PIEZO2: variants seen among roughly 807,000 people sequenced by gnomAD.
PIEZO2 encodes piezo-type mechanosensitive ion channel component 2.
Under a neutral mutation model 337.3 loss-of-function variants are expected in PIEZO2, and 172 were observed. That is an observed-to-expected ratio of 0.51 (90% CI 0.45 to 0.58). The LOEUF (loss-of-function observed/expected upper bound fraction) is 0.58. Ranked by LOEUF, PIEZO2 falls within the 20% of genes least tolerant of loss-of-function variation. The probability of loss-of-function intolerance (pLI) is 0.00; values close to 1 mark genes in which losing one functional copy is unlikely to be tolerated. For missense variants in PIEZO2, 3,028 were observed against 3,391.3 expected (o/e 0.89, Z 2.66); for synonymous variants, 1,251 against 1,228.5 (o/e 1.02, Z -0.38).
In PIEZO2 at chr18:11,031,894, C is replaced by T. The variant is rs1328162401; in HGVS notation, c.160+34233G>A. ...ATCCATTTGGCTGCTGAATATTAGCCCAACCCTTTATTCTCACCATCACAT... is the reference window on the plus strand; with the variant it reads ...ATCCATTTGGCTGCTGAATATTAGCTCAACCCTTTATTCTCACCATCACAT... On this transcript the variant is annotated intron_variant, in intron 2 of 55. Coordinates refer to ENST00000674853, the MANE Select transcript of PIEZO2 (RefSeq NM_001378183.1). This position sits in a 1 kb window ranked among gnomAD's most constrained non-coding sequence, Gnocchi z 4.7. 1.3e-5 allele frequency among the ~76,000 whole-genome samples: 2 copies of T among 152,030 alleles called. No homozygotes were observed. The highest frequency in any genetic ancestry group is 2.9e-5 in the Non-Finnish European group (2 of 68,008).
Position 10,828,701 on chromosome 18 carries a change from T to TACTCAG in PIEZO2, c.918-21428_918-21427insCTGAGT, listed in dbSNP as rs1266249119. Among the ~76,000 whole-genome samples the TACTCAG allele has an allele frequency of 6.6e-6, 1 of 152,182 alleles. No homozygotes were observed. Among genetic ancestry groups the TACTCAG allele is most frequent in the Admixed American group, 6.5e-5 (1 of 15,282 alleles). ...ACTGGTCATATGTTCAGAGGAACTCTACTGTCTGGAGTCTGAGCATCTGTA... is the reference window on the plus strand; with the variant it reads ...ACTGGTCATATGTTCAGAGGAACTCTACTCAGACTGTCTGGAGTCTGAGCATCTGTA... On this transcript the variant is annotated intron_variant, in intron 7 of 55. Coordinates refer to ENST00000674853, the MANE Select transcript of PIEZO2 (RefSeq NM_001378183.1). The surrounding 1 kb of genome is among the most constrained non-coding windows in gnomAD (Gnocchi z 4.1).
At chr18:11,055,568 G>A (rs895096840) in intron 2 of PIEZO2, among the ~76,000 whole-genome samples, 1 of 152,216 alleles carries the variant, frequency 6.6e-6, no homozygotes, top group Non-Finnish European at 1.5e-5. Flanking sequence ...ACAGCACAGA[G>A]GTGCCAATTC....
At chr18:10,871,045 G>C (rs1035971748) in intron 5 of PIEZO2, among the ~76,000 whole-genome samples, 1 of 152,048 alleles carries the variant, frequency 6.6e-6, no homozygotes, top group Admixed American at 6.6e-5. Flanking sequence ...CCCTGAGCCT[G>C]TCTTCTCATG....
intron 2 of PIEZO2, among the ~76,000 whole-genome samples, chr18:10,987,879 A>G (rs996302078): frequency 1.3e-5 from 2 of 152,164 alleles, no homozygotes. Flanking sequence ...AAGGCAAAGG[A>G]CCTGAATAGA....
Position 11,112,439 on chromosome 18 carries a change from CA to C in PIEZO2, c.64+36085del, listed in dbSNP as rs1233087741. ...AACATCAGAATCTAAGTGTCATGAC[CA>C]AAATATGTACTCCAACTCCATCATT... On this transcript the variant is annotated intron_variant, in intron 1 of 55. Coordinates refer to ENST00000674853, the MANE Select transcript of PIEZO2 (RefSeq NM_001378183.1). The surrounding 1 kb of genome is among the most constrained non-coding windows in gnomAD (Gnocchi z 4.3). Among the ~76,000 whole-genome samples the C allele has an allele frequency of 6.6e-6, 1 of 152,136 alleles. No individual in the cohort carries two copies. Among genetic ancestry groups the C allele is most frequent in the Non-Finnish European group, 1.5e-5 (1 of 68,012 alleles).
At chr18:10,732,742 A>AT (rs750643238) in intron 35 of PIEZO2, among the ~76,000 whole-genome samples, 16 of 152,206 alleles carry the variant, frequency 1.1e-4, no homozygotes, top group Non-Finnish European at 2.1e-4. Flanking sequence ...GAATAAAGGA[A>AT]TTTTTAGTAG....
In PIEZO2 at chr18:10,824,060, T is replaced by C. The variant is rs924481033; in HGVS notation, c.918-16786A>G. On this transcript the variant is annotated intron_variant, in intron 7 of 55. Transcript: ENST00000674853. This position sits in a 1 kb window ranked among gnomAD's most constrained non-coding sequence, Gnocchi z 4.4. ...ATATTTAACTCACTTTTTCTACATA[T>C]GTATGCACCCATAAATAATACATAC... Among the ~76,000 whole-genome samples, 50 of 152,364 alleles carry C rather than the reference T, an allele frequency of 3.3e-4. No homozygotes were observed. Among genetic ancestry groups the C allele is most frequent in the African/African-American group, 1.2e-3 (50 of 41,594 alleles).
chr18:10,876,287 G>T (rs1426512049), intron 4 of PIEZO2, among the ~76,000 whole-genome samples: 1 of 152,200 alleles, frequency 6.6e-6, no homozygotes, highest in Admixed American at 6.5e-5. Flanking sequence ...TATACTAAAA[G>T]ACTTGAGAAG....
chr18:11,056,208 T>C (rs1260476543), intron 2 of PIEZO2, among the ~76,000 whole-genome samples: 1 of 152,130 alleles, frequency 6.6e-6, no homozygotes, highest in Non-Finnish European at 1.5e-5. Flanking sequence ...GGTCATTGGG[T>C]CCAGGCTGCC....
Position 10,807,136 on chromosome 18 carries a change from G to A in PIEZO2, c.1056C>T (p.Ile352=). Residue 352 remains isoleucine, a synonymous_variant, in exon 8 of 56, where the codon ATC becomes ATT. Transcript: ENST00000674853. ...LVMYYTLATL[I]RIWLQEPLVQ... is the part of the protein sequence containing the mutation. The stretch of plus-strand genomic sequence containing the variant: ...CAAGGGGCTCTTGCAGCCAGATGCG[G>A]ATCAGAGTGGCCAGAGTGTAGTACA... The A allele has an allele frequency of 6.5e-7, 1 of 1,536,872 alleles. No homozygotes were observed. The highest frequency in any genetic ancestry group is 8.7e-7 in the Non-Finnish European group (1 of 1,146,738).
chr18:11,060,048 A>C (rs938287923), intron 2 of PIEZO2, among the ~76,000 whole-genome samples: 12 of 152,210 alleles, frequency 7.9e-5, no homozygotes, highest in Non-Finnish European at 1.5e-4. Flanking sequence ...AGAAATTATA[A>C]GAAACTGTCT....
intron 42 of PIEZO2, among the ~76,000 whole-genome samples, chr18:10,703,045 G>T (rs941733735): frequency 6.6e-6 from 1 of 152,022 alleles, no homozygotes; most frequent in African/African-American, 2.4e-5. Flanking sequence ...GTAGAAATGG[G>T]GTCGTGCTAT....
In PIEZO2 at chr18:10,741,015, G is replaced by A. The variant is rs1051598273; in HGVS notation, c.4708+16C>T. 6.5e-7 allele frequency: 1 copy of A among 1,536,732 alleles called. No homozygotes were observed. The highest frequency in any genetic ancestry group is 8.7e-7 in the Non-Finnish European group (1 of 1,146,462). The stretch of plus-strand genomic sequence containing the variant: ...GTTAGAGTCGATGAGGTTGTAAGGG[G>A]ATCGAGAAAACCTACTGGAAGCATG... On this transcript the variant is annotated intron_variant, in intron 33 of 55. Coordinates refer to ENST00000674853, the MANE Select transcript of PIEZO2 (RefSeq NM_001378183.1).
chr18:11,135,749 T>C (rs1184795904), intron 1 of PIEZO2, among the ~76,000 whole-genome samples: 3 of 152,208 alleles, frequency 2.0e-5, no homozygotes, highest in Non-Finnish European at 2.9e-5. Context: ...GGTTTCACCA[T>C]GTTGGCCAGG....
chr18:10,875,667 C>T (rs1321025066), intron 4 of PIEZO2, among the ~76,000 whole-genome samples: 1 of 152,190 alleles, frequency 6.6e-6, no homozygotes, highest in Non-Finnish European at 1.5e-5. Context: ...GTAACAAGAA[C>T]TCCAGCTGTG....
intron 35 of PIEZO2, among the ~76,000 whole-genome samples, chr18:10,734,488 A>C (rs2036917454): frequency 6.6e-6 from 1 of 152,246 alleles, no homozygotes; most frequent in Admixed American, 6.5e-5. Flanking sequence ...CTCGCTTAAC[A>C]GGTGAGGGAC....
In PIEZO2 at chr18:10,895,964, G is replaced by A. The variant is rs183872308; in HGVS notation, c.329+15222C>T. ...AATCCCAGCTACTTGGGAGGCTGAG[G>A]CAAGAGAATCTCTTGAACCCGGGAG... On this transcript the variant is annotated intron_variant, in intron 4 of 55. Transcript: ENST00000674853. The surrounding 1 kb of genome is among the most constrained non-coding windows in gnomAD (Gnocchi z 4.8). 2.7e-5 allele frequency among the ~76,000 whole-genome samples: 4 copies of A among 150,632 alleles called. No individual in the cohort carries two copies. In the East Asian group the frequency reaches 7.8e-4, roughly 30 times the overall value.
chr18:10,867,692 G>T (rs545200548), intron 5 of PIEZO2, among the ~76,000 whole-genome samples: 1 of 152,234 alleles, frequency 6.6e-6, no homozygotes, highest in South Asian at 2.1e-4. Flanking sequence ...ATAATAGCTA[G>T]AAAGAATTGT....
chr18:10,818,472 G>A (rs2040428867), intron 7 of PIEZO2, among the ~76,000 whole-genome samples: 1 of 152,134 alleles, frequency 6.6e-6, no homozygotes, highest in Admixed American at 6.6e-5. Context: ...GTATCAAAAT[G>A]ATTTACTCTA....
Sources: allele counts gnomAD v4.1 joint callset (sites outside exome capture counted in the v4.1 genomes callset), GRCh38; gene constraint gnomAD v4.1.1; non-coding constraint Gnocchi (gnomAD v3.1); transcripts MANE v1.5; gene names NCBI Gene and HGNC (gene_info 2026-07-23, HGNC 2026-07-21).